The following CRYBG3 variants were observed in gnomAD, a reference collection of about 807,000 sequenced individuals.
CRYBG3 encodes the protein very large A-kinase anchor protein.
CRYBG3 carries 127 observed loss-of-function variants against 244.2 expected under a neutral mutation model. The observed-to-expected ratio is 0.52, with a 90% confidence interval of 0.45 to 0.60. The LOEUF (loss-of-function observed/expected upper bound fraction) is 0.60, where lower values mean the gene tolerates loss of function less well. CRYBG3 is among the 20% of genes least tolerant of loss of function. The probability of loss-of-function intolerance (pLI) is 0.00; values close to 1 mark genes in which losing one functional copy is unlikely to be tolerated. For synonymous variants in CRYBG3, 1,132 were observed against 1,195.8 expected, an observed-to-expected ratio of 0.95 and a Z score of 1.10; for missense variants, 3,325 against 3,442.5, an observed-to-expected ratio of 0.97 and a Z score of 0.85.
At chr3:97,896,117 C>T in intron 12 of CRYBG3, 32 bp downstream of exon 12, 4 of 1,563,946 alleles carry the variant, frequency 2.6e-6, no homozygotes, top group Non-Finnish European at 2.6e-6. Flanking sequence ...TAATTTTCTA[C>T]CTTTTAAAAA....
chr3:97,840,874 A>C (rs887504681), intron 1 of CRYBG3, among the ~76,000 whole-genome samples: 8 of 152,074 alleles, frequency 5.3e-5, no homozygotes, highest in African/African-American at 1.9e-4. Context: ...AATCTTTATA[A>C]CATGATCTTT....
chr3:97,849,782 G>A (rs1451704496), intron 2 of CRYBG3, among the ~76,000 whole-genome samples: 3 of 152,180 alleles, frequency 2.0e-5, no homozygotes, highest in Non-Finnish European at 4.4e-5. Flanking sequence ...TCTGGAACAC[G>A]AGAGTGAGCG....
chr3:97,897,762 C>T (rs751937500), intron 12 of CRYBG3, among the ~76,000 whole-genome samples: 4 of 151,962 alleles, frequency 2.6e-5, no homozygotes, highest in Non-Finnish European at 4.4e-5. Flanking sequence ...CATTTAGTTC[C>T]CTTAGGAGAC....
At chr3:97,923,104 C>T (rs1473601460) in intron 17 of CRYBG3, among the ~76,000 whole-genome samples, 1 of 152,012 alleles carries the variant, frequency 6.6e-6, no homozygotes, top group East Asian at 1.9e-4. Context: ...AACCAAACAC[C>T]ACATGTTCTC....
At chr3:97,931,637 A>G (rs2040097758) in intron 17 of CRYBG3, among the ~76,000 whole-genome samples, 1 of 152,066 alleles carries the variant, frequency 6.6e-6, no homozygotes, top group African/African-American at 2.4e-5. Flanking sequence ...TCTCAACATT[A>G]AGATATCTGG....
intron 2 of CRYBG3, among the ~76,000 whole-genome samples, chr3:97,843,944 C>T (rs1369474530): frequency 6.6e-6 from 1 of 152,084 alleles, no homozygotes; most frequent in East Asian, 1.9e-4. Flanking sequence ...GTCCCAGTTG[C>T]TTTCTTTTCA....
intron 2 of CRYBG3, among the ~76,000 whole-genome samples, chr3:97,854,041 G>C (rs1307407971): frequency 1.3e-5 from 2 of 152,122 alleles, no homozygotes; most frequent in Non-Finnish European, 2.9e-5. Flanking sequence ...TCTTTGACAT[G>C]TGGCTTGCCA....
chr3:97,859,149 T>G (rs1288841140), intron 2 of CRYBG3, among the ~76,000 whole-genome samples: 1 of 152,108 alleles, frequency 6.6e-6, no homozygotes, highest in Non-Finnish European at 1.5e-5. Flanking sequence ...CTGGGGGCAG[T>G]ATCGTCAGTG....
At chr3:97,904,246 A>T (rs2039738264) in intron 15 of CRYBG3, among the ~76,000 whole-genome samples, 2 of 152,192 alleles carry the variant, frequency 1.3e-5, no homozygotes, top group Admixed American at 1.3e-4. Flanking sequence ...TGATAAGGTG[A>T]TCAAAGTGAG....
intron 2 of CRYBG3, among the ~76,000 whole-genome samples, chr3:97,860,831 G>C (rs1326218056): frequency 6.6e-6 from 1 of 151,874 alleles, no homozygotes; most frequent in Non-Finnish European, 1.5e-5. Context: ...TTTCCATAGG[G>C]ATCTTTTGTT....
chr3:97,880,957 A>G (rs2039439299), intron 6 of CRYBG3, 115 bp from the exon 7 acceptor site: 1 of 685,952 alleles, frequency 1.5e-6, no homozygotes, highest in Non-Finnish European at 2.3e-6. Flanking sequence ...TTATATGCTA[A>G]TAGTGGAAGA....
intron 2 of CRYBG3, among the ~76,000 whole-genome samples, chr3:97,857,841 C>A (rs2039088467): frequency 6.6e-6 from 1 of 151,978 alleles, no homozygotes; most frequent in East Asian, 1.9e-4. Flanking sequence ...TAAATAAGGA[C>A]TTACTCTTGT....
chr3:97,823,362 A>G (rs2038533873), intron 1 of CRYBG3, among the ~76,000 whole-genome samples: 1 of 152,138 alleles, frequency 6.6e-6, no homozygotes, highest in Admixed American at 6.5e-5. Context: ...AAAAAAATGG[A>G]TAGGAAACAG....
Position 97,944,545 on chromosome 3 carries a change from C to T in CRYBG3, c.*1231C>T, listed in dbSNP as rs369120258. ...AAAATAACAATGACTATTTTAAACT[C>T]GAAGACCCACTATTTTGAGTATTTT... On this transcript the variant is annotated 3_prime_UTR_variant, in exon 22 of 22. Coordinates refer to ENST00000389622, the MANE Select transcript of CRYBG3 (RefSeq NM_153605.4). 22 of 152,248 alleles carry T rather than the reference C, an allele frequency of 1.4e-4. No individual in the cohort carries two copies. The highest frequency in any genetic ancestry group is 4.8e-4 in the African/African-American group (20 of 41,370). The allele number at this position is 152,248 out of a possible 1,614,324, so 9.4% of individuals were successfully genotyped here. A position where few individuals can be genotyped will look rare whatever the true frequency, so the allele number is the denominator to read the frequency against.
chr3:97,822,062 C>T lies in CRYBG3; in HGVS notation c.-145C>T. The T allele has an allele frequency of 1.6e-6, 1 of 607,444 alleles. No homozygotes were observed. The highest frequency in any genetic ancestry group is 2.5e-6 in the Non-Finnish European group (1 of 404,566). 37.6% of individuals were successfully genotyped at this position (607,444 alleles called of 1,614,324 possible). ...CGCGTCGCGTCCGCACTTCTCCTGC[C>T]CGAGAGAGACTGAGCCGCGCTGGCA... On this transcript the variant is annotated 5_prime_UTR_variant, in exon 1 of 22. Transcript: ENST00000389622.
chr3:97,882,710 A>G (rs1018197716), intron 7 of CRYBG3, among the ~76,000 whole-genome samples: 2 of 152,190 alleles, frequency 1.3e-5, no homozygotes, highest in African/African-American at 4.8e-5. Flanking sequence ...ATAAATTGAG[A>G]TGAAAACTAT....
At chr3:97,833,106 A>G (rs1470331979) in intron 1 of CRYBG3, among the ~76,000 whole-genome samples, 1 of 152,092 alleles carries the variant, frequency 6.6e-6, no homozygotes, top group Non-Finnish European at 1.5e-5. Flanking sequence ...TGCTTTTACA[A>G]TGTTGGTGGG....
chr3:97,912,390 C>G (rs370674365), intron 16 of CRYBG3, 114 bp downstream of exon 16: 121 of 485,018 alleles, frequency 2.5e-4, no homozygotes, highest in African/African-American at 2.1e-3. Context: ...CTTCAACAGG[C>G]ATTTTACCTG....
chr3:97,830,387 A>G (rs936191048), intron 1 of CRYBG3, among the ~76,000 whole-genome samples: 9 of 152,066 alleles, frequency 5.9e-5, no homozygotes, highest in African/African-American at 2.2e-4. Flanking sequence ...ATCATCTAGT[A>G]GTTCCCAAGC....
Sources: allele counts gnomAD v4.1 joint callset (sites outside exome capture counted in the v4.1 genomes callset), GRCh38; gene constraint gnomAD v4.1.1; transcripts MANE v1.5; gene names NCBI Gene and HGNC (gene_info 2026-07-23, HGNC 2026-07-21).